The following ANPEP variants were observed in gnomAD, a reference collection of about 807,000 sequenced individuals.
ANPEP encodes alanyl aminopeptidase, membrane.
Under a neutral mutation model 114.6 loss-of-function variants are expected in ANPEP, and 70 were observed. That is an observed-to-expected ratio of 0.61 (90% CI 0.50 to 0.75). ANPEP has a LOEUF of 0.75. Among genes scored for constraint, ANPEP ranks in the 30% least tolerant of loss-of-function variants. ANPEP has a pLI of 0.00. For missense variants in ANPEP, 1,184 were observed against 1,259.5 expected, an observed-to-expected ratio of 0.94 and a Z score of 0.91; for synonymous variants, 548 against 522.3, an observed-to-expected ratio of 1.05 and a Z score of -0.67.
At chr15:89,800,983 TG>T (rs1355011140) in intron 12 of ANPEP, 127 bp downstream of exon 12, 1 of 763,070 alleles carries the variant, frequency 1.3e-6, no homozygotes, top group Admixed American at 2.4e-5. Flanking sequence ...AGCAGCAAAG[TG>T]GAGATTGGAA....
At chr15:89,813,406 T>A (rs1894849997) in intron 1 of ANPEP, among the ~76,000 whole-genome samples, 1 of 152,196 alleles carries the variant, frequency 6.6e-6, no homozygotes, top group Non-Finnish European at 1.5e-5. Context: ...CCCAGAAGGC[T>A]CTGGGGGAAG....
chr15:89,797,684 G>C lies in ANPEP; in HGVS notation c.2048C>G (p.Thr683Ser). The C allele has an allele frequency of 6.2e-7, 1 of 1,614,180 alleles. No homozygotes were observed. Among genetic ancestry groups the C allele is most frequent in the Non-Finnish European group, 8.5e-7 (1 of 1,180,030 alleles). Residue 683 changes from threonine to serine, a missense_variant, in exon 15 of 21, where the codon ACC becomes AGC. Thr to Ser is a moderately conservative substitution (Grantham distance 58, BLOSUM62 1). Coordinates refer to ENST00000300060, the MANE Select transcript of ANPEP (RefSeq NM_001150.3). ...CTGTCTCTCTTCAATCAGGAAGAGG[G>C]TGTTGTTCAGCGCCAGAGTGACAGG... ...KVPVTLALNN[T>S]LFLIEERQYM... is the part of the protein sequence containing the mutation.
rs147195383 is a variant in ANPEP at position 89,792,283 on chromosome 15, G to A, written c.2405C>T (p.Ala802Val). Residue 802 changes from alanine to valine, a missense_variant, in exon 18 of 21, where the codon GCC (alanine) becomes GTC (valine). Transcript: ENST00000300060. ...LRSTVYCNAIAQGGEEEWDFA... is the reference protein window; with the variant it reads ...LRSTVYCNAIVQGGEEEWDFA... Reference sequence around the variant, plus strand: ...GTCCCACTCCTCCTCCCCGCCCTGGGCGATAGCGTTGCAGTAGACGGTGGA... The same window carrying A: ...GTCCCACTCCTCCTCCCCGCCCTGGACGATAGCGTTGCAGTAGACGGTGGA... 8 of 1,614,254 alleles carry A rather than the reference G, an allele frequency of 5.0e-6. No homozygotes were observed. The highest frequency in any genetic ancestry group is 6.8e-6 in the Non-Finnish European group (8 of 1,180,046).
intron 1 of ANPEP, among the ~76,000 whole-genome samples, chr15:89,810,384 AT>A (rs1408159874): frequency 5.3e-5 from 2 of 37,570 alleles, no homozygotes; most frequent in South Asian, 8.5e-4. Flanking sequence ...GTCTCAAAAA[AT>A]AAATAAATAA....
chr15:89,814,450 C>A (rs890911819), intron 1 of ANPEP, among the ~76,000 whole-genome samples: 1 of 152,190 alleles, frequency 6.6e-6, no homozygotes, highest in Admixed American at 6.5e-5. Context: ...TCCGCTCCGC[C>A]GCCCTCCCCG....
rs757545215 is a variant in ANPEP at position 89,793,109 on chromosome 15, C to T, written c.2175G>A (p.Gln725=). ...TGAAGTGAATGAAGAGGGGTGTGAC[C>T]TGCTTCTTCAGGTAGTTCTGGGGAA... ...YGPMKNYLKK[Q]VTPLFIHFRN... The change falls in exon 16 of 21, where the codon CAG becomes CAA. Residue 725 remains glutamine, a synonymous_variant. Coordinates refer to ENST00000300060, the MANE Select transcript of ANPEP (RefSeq NM_001150.3). 1.2e-6 allele frequency: 2 copies of T among 1,613,930 alleles called. No individual in the cohort carries two copies. Among genetic ancestry groups the T allele is most frequent in the South Asian group, 2.2e-5 (2 of 91,080 alleles).
rs776923754 is a variant in ANPEP at position 89,799,222 on chromosome 15, C to T, written c.2009+38G>A. The T allele has an allele frequency of 2.7e-5, 43 of 1,612,136 alleles. No homozygotes were observed. Among genetic ancestry groups the T allele is most frequent in the South Asian group, 1.6e-4 (15 of 91,028 alleles). ...TGTGGACTCAGACTTGCTGAAGTCACGAGCTTCTGCAGCTGAGCCAGGCAG... is the reference window on the plus strand; with the variant it reads ...TGTGGACTCAGACTTGCTGAAGTCATGAGCTTCTGCAGCTGAGCCAGGCAG... On this transcript the variant is annotated intron_variant, in intron 14 of 20. Transcript: ENST00000300060. The surrounding 1 kb of genome is among the most constrained non-coding windows in gnomAD (Gnocchi z 4.2).
chr15:89,802,936 G>A (rs1320106945), intron 10 of ANPEP, among the ~76,000 whole-genome samples: 1 of 152,104 alleles, frequency 6.6e-6, no homozygotes, highest in Non-Finnish European at 1.5e-5. Flanking sequence ...CCAGGCAGAG[G>A]CGGGAACCAT....
intron 1 of ANPEP, among the ~76,000 whole-genome samples, chr15:89,808,305 G>T (rs1894759889): frequency 5.3e-5 from 8 of 152,176 alleles, no homozygotes. Flanking sequence ...TGACCTCCCT[G>T]ACCAAGTCAA....
At chr15:89,795,955 C>T (rs1596163738) in intron 15 of ANPEP, among the ~76,000 whole-genome samples, 1 of 152,204 alleles carries the variant, frequency 6.6e-6, no homozygotes, top group African/African-American at 2.4e-5. Flanking sequence ...TGGCTCACGC[C>T]TATAATCATA....
chr15:89,789,071 C>T (rs1038806161), intron 20 of ANPEP, among the ~76,000 whole-genome samples: 1 of 152,022 alleles, frequency 6.6e-6, no homozygotes, highest in Non-Finnish European at 1.5e-5. Context: ...CCTCCGCCTC[C>T]TGGATTCAGG....
intron 2 of ANPEP, 99 bp from the exon 3 acceptor site, chr15:89,805,562 G>A: frequency 6.7e-7 from 1 of 1,488,478 alleles, no homozygotes; most frequent in Non-Finnish European, 9.0e-7. Context: ...TACATGGAAG[G>A]CTGCCCCAGC....
intron 15 of ANPEP, 179 bp downstream of exon 15, chr15:89,797,391 TTCACC>T: frequency 1.1e-6 from 1 of 870,332 alleles, no homozygotes; most frequent in Non-Finnish European, 1.7e-6. Flanking sequence ...GGCTCGCTCT[TTCACC>T]TGCGTGCTCT....
intron 19 of ANPEP, 144 bp from the exon 20 acceptor site, chr15:89,790,685 C>T (rs1429885641): frequency 1.2e-6 from 1 of 805,146 alleles, no homozygotes; most frequent in African/African-American, 1.7e-5. Flanking sequence ...GGGGGAGTCA[C>T]AGCTTGAACA....
At chr15:89,787,678 G>A (rs909552577) in intron 20 of ANPEP, among the ~76,000 whole-genome samples, 1 of 152,184 alleles carries the variant, frequency 6.6e-6, no homozygotes, top group Non-Finnish European at 1.5e-5. Context: ...TTTTAAAATA[G>A]CAAAAGACTG....
intron 1 of ANPEP, among the ~76,000 whole-genome samples, chr15:89,813,802 C>A (rs1025392605): frequency 6.6e-6 from 1 of 152,194 alleles, no homozygotes; most frequent in Non-Finnish European, 1.5e-5. Context: ...CCCAGTAAGG[C>A]CAGGGCGTTT....
chr15:89,797,320 G>C, intron 15 of ANPEP: 1 of 411,272 alleles, frequency 2.4e-6, no homozygotes. Context: ...TTATTGTTTT[G>C]CCCCACGCAG....
rs142521783 is a variant in ANPEP at position 89,792,538 on chromosome 15, G to A, written c.2274C>T (p.Ser758=). 33 of 1,614,184 alleles carry A rather than the reference G, an allele frequency of 2.0e-5. No individual in the cohort carries two copies. The Admixed American group carries it at 2.5e-4, about 12-fold the overall frequency. The change falls in exon 17 of 21, where the codon AGC becomes AGT. Residue 758 remains serine (S), a synonymous_variant. Coordinates refer to ENST00000300060, the MANE Select transcript of ANPEP (RefSeq NM_001150.3). Reference sequence around the variant, plus strand: ...CTGGAACTCCGTTGGAGCAGGCGGTGCTGATGGCATTAACCTCGCTGTACC... The same window carrying A: ...CTGGAACTCCGTTGGAGCAGGCGGTACTGATGGCATTAACCTCGCTGTACC... ...MDQYSEVNAI[S]TACSNGVPEC... is the part of the protein sequence containing the mutation.
Position 89,803,372 on chromosome 15 carries a change from G to A in ANPEP, c.1504-68C>T. ...CCAGGCTCCCCCTCTGTGGTGGGCA[G>A]AGGCCCGGGTCAAGGGCGAGGGGCA... On this transcript the variant is annotated intron_variant, in intron 9 of 20. Coordinates refer to ENST00000300060, the MANE Select transcript of ANPEP (RefSeq NM_001150.3). This position sits in a 1 kb window ranked among gnomAD's most constrained non-coding sequence, Gnocchi z 4.2. 1 of 1,613,578 alleles carries A rather than the reference G, an allele frequency of 6.2e-7. No individual in the cohort carries two copies. Among genetic ancestry groups the A allele is most frequent in the Non-Finnish European group, 8.5e-7 (1 of 1,179,546 alleles).
Sources: allele counts gnomAD v4.1 joint callset (sites outside exome capture counted in the v4.1 genomes callset), GRCh38; gene constraint gnomAD v4.1.1; non-coding constraint Gnocchi (gnomAD v3.1); transcripts MANE v1.5; gene names NCBI Gene and HGNC (gene_info 2026-07-23, HGNC 2026-07-21).